ARK2N: variants seen among roughly 807,000 people sequenced by gnomAD.
ARK2N encodes the protein arkadia (RNF111) N-terminal like PKA signaling regulator 2N.
the ARK2N span, among the ~76,000 whole-genome samples, chr18:46,246,709 G>A: frequency 3.8e-5 from 5 of 130,202 alleles, no homozygotes; most frequent in South Asian, 5.0e-4. Flanking sequence ...TTGGGAGGCC[G>A]AGGCGGGTAG....
the ARK2N span, among the ~76,000 whole-genome samples, chr18:46,179,685 G>A: frequency 6.6e-6 from 1 of 151,282 alleles, no homozygotes. Context: ...GAGTGCAATG[G>A]CGCCATCTCC....
chr18:46,209,669 C>T, the ARK2N span, among the ~76,000 whole-genome samples: 8 of 152,134 alleles, frequency 5.3e-5, no homozygotes, highest in East Asian at 1.5e-3. Flanking sequence ...GGTCTTGGCT[C>T]ACTACAACCT....
chr18:46,239,742 G>T, the ARK2N span, among the ~76,000 whole-genome samples: 1 of 152,076 alleles, frequency 6.6e-6, no homozygotes. Flanking sequence ...GGAATTCAGT[G>T]TAACATTGTT....
At chr18:46,200,794 G>T in the ARK2N span, among the ~76,000 whole-genome samples, 1 of 150,116 alleles carries the variant, frequency 6.7e-6, no homozygotes, top group Non-Finnish European at 1.5e-5. Context: ...TTTTTTTTTT[G>T]AGACAGTGAC....
At chr18:46,210,636 A>G in the ARK2N span, among the ~76,000 whole-genome samples, 1 of 152,106 alleles carries the variant, frequency 6.6e-6, no homozygotes, top group Admixed American at 6.6e-5. Context: ...TGGGCCAGGT[A>G]TTGTGGCTCA....
chr18:46,216,534 C>T, the ARK2N span: 1 of 1,614,140 alleles, frequency 6.2e-7, no homozygotes, highest in Non-Finnish European at 8.5e-7. This position sits in a 1 kb window ranked among gnomAD's most constrained non-coding sequence, Gnocchi z 4.3. Context: ...CAAGCACGAG[C>T]TCATCAGATG....
At chr18:46,238,133 G>T in the ARK2N span, among the ~76,000 whole-genome samples, 7 of 152,184 alleles carry the variant, frequency 4.6e-5, no homozygotes, top group Admixed American at 1.3e-4. Context: ...GATTATACAT[G>T]TAGGAGTGGT....
At chr18:46,225,712 A>T in the ARK2N span, among the ~76,000 whole-genome samples, 11 of 152,104 alleles carry the variant, frequency 7.2e-5, no homozygotes, top group African/African-American at 2.7e-4. Flanking sequence ...CGCCCACCTT[A>T]GCCTCCCAAA....
chr18:46,216,185 A>C, the ARK2N span: 5 of 1,613,978 alleles, frequency 3.1e-6, no homozygotes, highest in Non-Finnish European at 4.2e-6. The surrounding 1 kb of genome is among the most constrained non-coding windows in gnomAD (Gnocchi z 4.3). Context: ...TCTAGTGGTC[A>C]CCTGGCTGAT....
the ARK2N span, chr18:46,174,471 C>T: frequency 1.3e-5 from 2 of 152,146 alleles, no homozygotes. Flanking sequence ...ACGCTGGGGT[C>T]CTAGCGGGCC....
the ARK2N span, among the ~76,000 whole-genome samples, chr18:46,196,019 T>C: frequency 6.6e-6 from 1 of 151,414 alleles, no homozygotes; most frequent in Middle Eastern, 3.2e-3. Flanking sequence ...TCACTTTTGC[T>C]GCCCAGGCTG....
At chr18:46,177,471 G>C in the ARK2N span, among the ~76,000 whole-genome samples, 1 of 116,828 alleles carries the variant, frequency 8.6e-6, no homozygotes, top group African/African-American at 3.3e-5. Context: ...TTACTCTGTT[G>C]CCCAGGCTGG....
chr18:46,224,559 C>T, the ARK2N span, among the ~76,000 whole-genome samples: 1 of 152,108 alleles, frequency 6.6e-6, no homozygotes. Flanking sequence ...GGAGCTTAAA[C>T]CGAAACAAAT....
the ARK2N span, among the ~76,000 whole-genome samples, chr18:46,260,992 G>C: frequency 6.6e-6 from 1 of 152,106 alleles, no homozygotes; most frequent in Non-Finnish European, 1.5e-5. Flanking sequence ...AAACAATTGG[G>C]ACTATATACT....
the ARK2N span, among the ~76,000 whole-genome samples, chr18:46,252,911 T>G: frequency 6.6e-6 from 1 of 152,206 alleles, no homozygotes; most frequent in Admixed American, 6.5e-5. Context: ...AGAATGTATT[T>G]TATTGCATCA....
chr18:46,179,575 G>T, the ARK2N span, among the ~76,000 whole-genome samples: 98 of 151,962 alleles, frequency 6.4e-4, 1 homozygote, highest in East Asian at 0.017. Context: ...TAAAAGTAAG[G>T]AGCAGGAGCA....
the ARK2N span, among the ~76,000 whole-genome samples, chr18:46,187,759 AT>A: frequency 5.9e-5 from 9 of 152,212 alleles, no homozygotes; most frequent in East Asian, 1.5e-3. Flanking sequence ...AGTTTCCTTG[AT>A]TTTTGGTGCT....
chr18:46,246,555 G>C, the ARK2N span, among the ~76,000 whole-genome samples: 1 of 148,904 alleles, frequency 6.7e-6, no homozygotes, highest in Admixed American at 6.7e-5. Flanking sequence ...TCTAGGAGTT[G>C]TTAACATTCA....
chr18:46,258,377 T>A, the ARK2N span, among the ~76,000 whole-genome samples: 1,548 of 152,256 alleles, frequency 0.01, 27 homozygotes, highest in African/African-American at 0.035. Flanking sequence ...AGAGTAAAAT[T>A]GATTAATTTT....
Sources: allele counts gnomAD v4.1 joint callset (sites outside exome capture counted in the v4.1 genomes callset), GRCh38; gene constraint gnomAD v4.1.1; non-coding constraint Gnocchi (gnomAD v3.1); transcripts MANE v1.5; gene names NCBI Gene and HGNC (gene_info 2026-07-23, HGNC 2026-07-21).